TRHDE: variants seen among roughly 807,000 people sequenced by gnomAD.
TRHDE encodes the protein thyrotropin releasing hormone degrading enzyme, also known as thyrotropin-releasing hormone-degrading ectoenzyme.
Under a neutral mutation model 125.7 loss-of-function variants are expected in TRHDE, and 72 were observed. That is an observed-to-expected ratio of 0.57 (90% CI 0.47 to 0.70). TRHDE has a LOEUF of 0.70. TRHDE is among the 30% of genes least tolerant of loss of function. TRHDE has a pLI of 0.00. For missense variants in TRHDE, 1,110 were observed against 1,327.1 expected, an observed-to-expected ratio of 0.84 and a Z score of 2.54; for synonymous variants, 509 against 509.1, an observed-to-expected ratio of 1.00 and a Z score of 0.00.
At chr12:72,449,680 T>C (rs939247223) in intron 3 of TRHDE, among the ~76,000 whole-genome samples, 2 of 151,962 alleles carry the variant, frequency 1.3e-5, no homozygotes, top group African/African-American at 4.8e-5. Flanking sequence ...GAGTTCAGAT[T>C]GCAAATATGG....
intron 2 of TRHDE, among the ~76,000 whole-genome samples, chr12:72,265,358 G>A (rs1457083881): frequency 6.6e-6 from 1 of 151,890 alleles, no homozygotes; most frequent in African/African-American, 2.4e-5. Flanking sequence ...GTATAGGGAT[G>A]TGAATGGGAC....
At chr12:72,309,446 C>T (rs1162507140) in intron 2 of TRHDE, among the ~76,000 whole-genome samples, 2 of 151,892 alleles carry the variant, frequency 1.3e-5, no homozygotes, top group Non-Finnish European at 2.9e-5. Flanking sequence ...AGAGGGTCCC[C>T]AGAGAGATGA....
chr12:72,526,000 C>T (rs1203969728), intron 6 of TRHDE, among the ~76,000 whole-genome samples: 2 of 151,980 alleles, frequency 1.3e-5, no homozygotes, highest in East Asian at 3.9e-4. Flanking sequence ...ACCATATCTA[C>T]TTCATATAAA....
intron 2 of TRHDE, among the ~76,000 whole-genome samples, chr12:72,176,465 G>C (rs1310431742): frequency 1.3e-5 from 2 of 152,138 alleles, no homozygotes; most frequent in East Asian, 3.8e-4. Flanking sequence ...TGGGCAATGA[G>C]TGTTTCTGGG....
chr12:72,521,041 G>A (rs1461177422), intron 6 of TRHDE, among the ~76,000 whole-genome samples: 2 of 152,136 alleles, frequency 1.3e-5, no homozygotes, highest in East Asian at 1.9e-4. Flanking sequence ...CAACATTTCA[G>A]CTCAACCTTC....
At chr12:72,174,173 T>C (rs1876938982) in intron 2 of TRHDE, among the ~76,000 whole-genome samples, 1 of 152,200 alleles carries the variant, frequency 6.6e-6, no homozygotes, top group South Asian at 2.1e-4. Context: ...GCTAGGCTGC[T>C]AGGGAAAGAG....
intron 2 of TRHDE, among the ~76,000 whole-genome samples, chr12:72,163,451 G>A (rs1417597238): frequency 6.6e-5 from 10 of 152,196 alleles, no homozygotes. Context: ...GCAATGTCAA[G>A]CCTTAGGGGA....
At chr12:72,137,871 G>A (rs1205493358) in intron 2 of TRHDE, among the ~76,000 whole-genome samples, 1 of 152,152 alleles carries the variant, frequency 6.6e-6, no homozygotes, top group East Asian at 1.9e-4. Context: ...GCTAAGAAAA[G>A]CACCTTGAGA....
At chr12:72,164,647 G>T (rs565032681) in intron 2 of TRHDE, among the ~76,000 whole-genome samples, 1 of 152,334 alleles carries the variant, frequency 6.6e-6, no homozygotes, top group Admixed American at 6.5e-5. Flanking sequence ...AGCTGGACAA[G>T]ATAACCACAC....
chr12:72,322,590 A>T (rs1869145793), intron 2 of TRHDE, among the ~76,000 whole-genome samples: 1 of 140,870 alleles, frequency 7.1e-6, no homozygotes, highest in South Asian at 2.3e-4. Flanking sequence ...AGTAACTTAA[A>T]CTTGTATTTT....
chr12:72,148,469 T>A (rs985959974), intron 2 of TRHDE, among the ~76,000 whole-genome samples: 1 of 152,210 alleles, frequency 6.6e-6, no homozygotes, highest in African/African-American at 2.4e-5. Flanking sequence ...TTTACTCTCA[T>A]TTCTGTTTTG....
chr12:72,373,926 C>T (rs994262137), intron 2 of TRHDE, among the ~76,000 whole-genome samples: 1 of 152,074 alleles, frequency 6.6e-6, no homozygotes, highest in Non-Finnish European at 1.5e-5. Flanking sequence ...GGGGAGAAGC[C>T]ACTGAAGGAG....
At chr12:72,097,410 C>A (rs1416375287) in intron 1 of TRHDE, among the ~76,000 whole-genome samples, 3 of 146,544 alleles carry the variant, frequency 2.0e-5, no homozygotes, top group African/African-American at 7.6e-5. Flanking sequence ...TTTAGTCCCT[C>A]CTTACCTTGC....
At chr12:72,599,414 T>C (rs2136057267) in intron 12 of TRHDE, among the ~76,000 whole-genome samples, 1 of 152,250 alleles carries the variant, frequency 6.6e-6, no homozygotes, top group Non-Finnish European at 1.5e-5. Flanking sequence ...ATAATAGCCA[T>C]TCTGACATGT....
At chr12:72,232,812 C>T (rs1178782268) in intron 2 of TRHDE, among the ~76,000 whole-genome samples, 1 of 152,118 alleles carries the variant, frequency 6.6e-6, no homozygotes, top group Non-Finnish European at 1.5e-5. Context: ...TTTCCCCTAC[C>T]TCCCTACCTA....
chr12:72,210,175 T>TATCTATC (rs1462275657), intron 2 of TRHDE, among the ~76,000 whole-genome samples: 2 of 144,592 alleles, frequency 1.4e-5, no homozygotes, highest in Admixed American at 1.4e-4. Context: ...AAGATTGATC[T>TATCTATC]ATCTATCTAT....
intron 2 of TRHDE, among the ~76,000 whole-genome samples, chr12:72,364,904 G>A (rs1000270086): frequency 6.6e-6 from 1 of 152,028 alleles, no homozygotes; most frequent in Non-Finnish European, 1.5e-5. Context: ...AGCTTAATAA[G>A]GACATTCTCT....
chr12:72,367,683 C>T (rs960010635), intron 2 of TRHDE, among the ~76,000 whole-genome samples: 16 of 152,282 alleles, frequency 1.1e-4, no homozygotes, highest in Non-Finnish European at 1.8e-4. Context: ...GTAGGAAGAA[C>T]CCCCAAATCA....
At chr12:72,314,324 C>T (rs1868694239) in intron 2 of TRHDE, among the ~76,000 whole-genome samples, 1 of 148,642 alleles carries the variant, frequency 6.7e-6, no homozygotes, top group African/African-American at 2.5e-5. Flanking sequence ...TCCCTTCCTC[C>T]CTCCCTCCCT....
Sources: gnomAD v4.1 joint callset for allele counts (sites outside exome capture counted in the v4.1 genomes callset) on GRCh38, gnomAD v4.1.1 for gene constraint, MANE v1.5 for transcripts, NCBI Gene and HGNC (gene_info 2026-07-23, HGNC 2026-07-21) for gene names.